The following ZC3H18 variants were observed in gnomAD, a reference collection of about 807,000 sequenced individuals.
ZC3H18 encodes zinc finger CCCH-type containing 18.
Under a neutral mutation model 106.1 loss-of-function variants are expected in ZC3H18, and 8 were observed. The ratio of observed to expected loss-of-function variants is 0.08; its 90% CI spans 0.04 to 0.14. ZC3H18 has a LOEUF of 0.14. Among genes scored for constraint, ZC3H18 ranks in the 10% least tolerant of loss-of-function variants. ZC3H18 has a pLI of 1.00. For synonymous variants in ZC3H18, 635 were observed against 522.1 expected (o/e 1.22, Z -2.95); for missense variants, 1,318 against 1,278.4 (o/e 1.03, Z -0.47).
At chr16:88,616,716 TAGAA>T (rs1213477083) in intron 8 of ZC3H18, among the ~76,000 whole-genome samples, 3 of 152,136 alleles carry the variant, frequency 2.0e-5, no homozygotes, top group Non-Finnish European at 1.5e-5. Context: ...ATTAGGTGGA[TAGAA>T]AGAACTTTTC....
At chr16:88,618,569 G>A (rs1475620725) in intron 8 of ZC3H18, among the ~76,000 whole-genome samples, 3 of 152,208 alleles carry the variant, frequency 2.0e-5, no homozygotes, top group Non-Finnish European at 4.4e-5. Flanking sequence ...GTGGCGCCTC[G>A]TGTGGCTGCT....
intron 8 of ZC3H18, among the ~76,000 whole-genome samples, chr16:88,617,324 C>T (rs572916290): frequency 2.0e-5 from 3 of 152,262 alleles, no homozygotes; most frequent in East Asian, 1.9e-4. Context: ...TTGTGCCGCT[C>T]TCTCCGTCCT....
intron 2 of ZC3H18, among the ~76,000 whole-genome samples, chr16:88,586,181 C>G (rs1423155665): frequency 2.0e-5 from 3 of 152,196 alleles, no homozygotes; most frequent in Non-Finnish European, 4.4e-5. Flanking sequence ...CTGAGGCACC[C>G]AACTCCTCCC....
rs1906354904 is a variant in ZC3H18 at position 88,627,041 on chromosome 16, C to G, written c.2109-581C>G. The G allele has an allele frequency of 6.6e-6, 1 of 152,594 alleles. No individual in the cohort carries two copies. Among genetic ancestry groups the G allele is most frequent in the Non-Finnish European group, 1.5e-5 (1 of 68,344 alleles). The allele number at this position is 152,594 out of a possible 1,614,324, so 9.5% of individuals were successfully genotyped here. On this transcript the variant is annotated intron_variant, in intron 13 of 17. Coordinates refer to ENST00000301011, the MANE Select transcript of ZC3H18 (RefSeq NM_144604.4). The surrounding 1 kb of genome is among the most constrained non-coding windows in gnomAD (Gnocchi z 4.5). Reference sequence around the variant, plus strand: ...GTTGAGTCAGCTCAGTCCTGTTTCCCTTCCCAAAAAGCAACCTGACATTCG... The same window carrying G: ...GTTGAGTCAGCTCAGTCCTGTTTCCGTTCCCAAAAAGCAACCTGACATTCG...
At chr16:88,587,552 A>G (rs1567580988) in intron 3 of ZC3H18, 1 of 1,535,988 alleles carries the variant, frequency 6.5e-7, no homozygotes, top group Admixed American at 2.0e-5. Flanking sequence ...ATGTTGTGAC[A>G]CCATTATCCA....
chr16:88,594,972 A>G (rs1452312061), intron 3 of ZC3H18, among the ~76,000 whole-genome samples: 2 of 152,050 alleles, frequency 1.3e-5, no homozygotes, highest in Non-Finnish European at 2.9e-5. Flanking sequence ...ACCAACATGG[A>G]GAAACCTCGT....
chr16:88,581,530 G>A (rs1240835506), intron 2 of ZC3H18, among the ~76,000 whole-genome samples: 2 of 152,180 alleles, frequency 1.3e-5, no homozygotes, highest in Non-Finnish European at 2.9e-5. Context: ...AAGTGCCGCT[G>A]GCCTGCGTGG....
At chr16:88,588,484 A>G (rs1915563225) in intron 3 of ZC3H18, among the ~76,000 whole-genome samples, 1 of 152,178 alleles carries the variant, frequency 6.6e-6, no homozygotes, top group South Asian at 2.1e-4. Context: ...ACAGACAGAG[A>G]GATGGTTACT....
rs546214927 is a variant in ZC3H18 at position 88,627,470 on chromosome 16, C to G, written c.2109-152C>G. 1.9e-6 allele frequency: 2 copies of G among 1,073,444 alleles called. No individual in the cohort carries two copies. The highest frequency in any genetic ancestry group is 1.8e-5 in the South Asian group (1 of 56,398). 66.5% of individuals were successfully genotyped at this position (1,073,444 alleles called of 1,614,324 possible). A position where few individuals can be genotyped will look rare whatever the true frequency, so the allele number is the denominator to read the frequency against. ...ATGGGGACGTCCCTTACTTTGTAAC[C>G]CTGAAACTGCCCAGTGTCCCCCCAA... On this transcript the variant is annotated intron_variant, in intron 13 of 17. Transcript: ENST00000301011. This position sits in a 1 kb window ranked among gnomAD's most constrained non-coding sequence, Gnocchi z 4.5.
rs779114370 is a variant in ZC3H18 at position 88,627,827 on chromosome 16, G to A, written c.2269+45G>A. 2 of 1,610,106 alleles carry A rather than the reference G, an allele frequency of 1.2e-6. No individual in the cohort carries two copies. On this transcript the variant is annotated intron_variant, in intron 14 of 17. Coordinates refer to ENST00000301011, the MANE Select transcript of ZC3H18 (RefSeq NM_144604.4). This position sits in a 1 kb window ranked among gnomAD's most constrained non-coding sequence, Gnocchi z 4.5. The stretch of plus-strand genomic sequence containing the variant: ...CCTTTGGGGAGCAGCTCCCGGGGGA[G>A]GAGGGCGGCATCAGCACAGACTTTG...
At chr16:88,630,981 G>T in intron 17 of ZC3H18, 120 bp from the exon 18 acceptor site, 1 of 1,260,740 alleles carries the variant, frequency 7.9e-7, no homozygotes, top group Non-Finnish European at 1.1e-6. Flanking sequence ...CATCCAGGGA[G>T]CCCCTTGCCT....
At chr16:88,626,462 C>G (rs1906315338) in intron 13 of ZC3H18, 1 of 152,196 alleles carries the variant, frequency 6.6e-6, no homozygotes, top group Admixed American at 6.5e-5. Flanking sequence ...GCATAGAACT[C>G]TTTCATTTCC....
intron 8 of ZC3H18, 71 bp downstream of exon 8, chr16:88,611,607 G>A: frequency 6.7e-7 from 1 of 1,502,074 alleles, no homozygotes; most frequent in Non-Finnish European, 8.9e-7. Flanking sequence ...TAGTCCCCCT[G>A]GCCTGCGCTT....
intron 6 of ZC3H18, 136 bp from the exon 7 acceptor site, chr16:88,608,798 C>A: frequency 1.6e-6 from 1 of 641,874 alleles, no homozygotes; most frequent in South Asian, 2.4e-5. Flanking sequence ...ATTTCCTAAC[C>A]TTGAGCCAAC....
chr16:88,601,110 C>T (rs1459551418), intron 6 of ZC3H18, among the ~76,000 whole-genome samples: 2 of 152,242 alleles, frequency 1.3e-5, no homozygotes, highest in Non-Finnish European at 1.5e-5. Flanking sequence ...TTTCCGCCTG[C>T]GGAAGTTGGG....
Position 88,624,738 on chromosome 16 carries a change from C to G in ZC3H18, c.2035C>G (p.Pro679Ala), listed in dbSNP as rs116598906. ...RRKERPARTP[P>A]RRRTLSGSGS... ...GAAGGAGCGGCCAGCCAGGACCCCC[C>G]CCAGGAGGTGAGCACTCCGGCGTCC... The change falls in exon 12 of 18, where the codon CCC becomes GCC. Residue 679 changes from proline (P) to alanine (A), a missense_variant. Pro to Ala is a conservative substitution (Grantham distance 27). This residue lies in a region of ZC3H18 where 848 missense variants were observed against 821.7 expected (regional missense o/e 1.03). Transcript: ENST00000301011. The G allele has an allele frequency of 5.0e-6, 8 of 1,611,966 alleles. No individual in the cohort carries two copies. The highest frequency in any genetic ancestry group is 4.2e-6 in the Non-Finnish European group (5 of 1,179,364).
chr16:88,608,863 A>T, intron 6 of ZC3H18, 71 bp from the exon 7 acceptor site: 1 of 1,276,362 alleles, frequency 7.8e-7, no homozygotes, highest in South Asian at 1.3e-5. Flanking sequence ...TTCTGTCCCT[A>T]ATGTTTCGTG....
intron 9 of ZC3H18, chr16:88,622,776 C>T (rs530734302): frequency 4.9e-5 from 14 of 286,054 alleles, no homozygotes; most frequent in African/African-American, 6.6e-5. Context: ...TCTCAGCACA[C>T]AGGAGCCCGG....
At chr16:88,599,508 C>T (rs1489049996) in intron 5 of ZC3H18, among the ~76,000 whole-genome samples, 7 of 152,220 alleles carry the variant, frequency 4.6e-5, no homozygotes, top group Admixed American at 6.5e-5. Context: ...CACTGAGTGA[C>T]TGAACCCTGG....
Sources: gnomAD v4.1 joint callset for allele counts (sites outside exome capture counted in the v4.1 genomes callset) on GRCh38, gnomAD v4.1.1 for gene constraint, gnomAD v4.1.1 regional missense constraint, Gnocchi (gnomAD v3.1) non-coding constraint, MANE v1.5 for transcripts, NCBI Gene and HGNC (gene_info 2026-07-23, HGNC 2026-07-21) for gene names.